The following ARID1B variants were observed in gnomAD, a reference collection of about 807,000 sequenced individuals.
ARID1B encodes the protein AT-rich interactive domain-containing protein 1B.
ARID1B carries 30 observed loss-of-function variants against 212.3 expected under a neutral mutation model. That is an observed-to-expected ratio of 0.14 (90% CI 0.11 to 0.19). ARID1B has a LOEUF of 0.19. Ranked by LOEUF, ARID1B falls within the 10% of genes least tolerant of loss-of-function variation. The pLI, the probability that ARID1B is intolerant of heterozygous loss-of-function variation, is 1.00. For missense variants in ARID1B, 2,891 were observed against 3,204.0 expected, an observed-to-expected ratio of 0.90 and a Z score of 2.36; for synonymous variants, 1,402 against 1,301.7, an observed-to-expected ratio of 1.08 and a Z score of -1.66.
rs116346628 is a variant in ARID1B at position 156,862,808 on chromosome 6, C to T, written c.1986+33387C>T. 3.2e-3 allele frequency among the ~76,000 whole-genome samples: 490 copies of T among 152,210 alleles called. 2 individuals carry two copies. The highest frequency in any genetic ancestry group is 0.011 in the African/African-American group (465 of 41,508). ...CCGCTTGGGGGCTGGGCCCTGGCAG[C>T]GGAAAGTCATGTCTAGATCACTCTT... On this transcript the variant is annotated intron_variant, in intron 2 of 19. Coordinates refer to ENST00000636930, the MANE Select transcript of ARID1B (RefSeq NM_001374828.1).
At chr6:157,086,814 G>A (rs1784995934) in intron 5 of ARID1B, among the ~76,000 whole-genome samples, 1 of 152,210 alleles carries the variant, frequency 6.6e-6, no homozygotes, top group African/African-American at 2.4e-5. Flanking sequence ...TGGCCTCAGA[G>A]TCTGTGGTTC....
rs2128370450 is a variant in ARID1B at position 157,200,171 on chromosome 6, C to A, written c.4480-534C>A. 6.6e-6 allele frequency among the ~76,000 whole-genome samples: 1 copy of A among 152,270 alleles called. No individual in the cohort carries two copies. Among genetic ancestry groups the A allele is most frequent in the East Asian group, 1.9e-4 (1 of 5,190 alleles). On this transcript the variant is annotated intron_variant, in intron 17 of 19. Coordinates refer to ENST00000636930, the MANE Select transcript of ARID1B (RefSeq NM_001374828.1). The surrounding 1 kb of genome is among the most constrained non-coding windows in gnomAD (Gnocchi z 4.3). The stretch of plus-strand genomic sequence containing the variant: ...CCAGTGGGGCTTTGGGGGAGCCACA[C>A]CTGACCAGGCCAGAAGTCAGGGCAG...
chr6:156,861,113 C>G (rs1390508864), intron 2 of ARID1B, among the ~76,000 whole-genome samples: 1 of 152,030 alleles, frequency 6.6e-6, no homozygotes, highest in East Asian at 1.9e-4. Flanking sequence ...GACAGAGGAG[C>G]CTTTGCAGGA....
intron 4 of ARID1B, among the ~76,000 whole-genome samples, chr6:156,986,131 C>T (rs753797597): frequency 1.3e-4 from 20 of 152,126 alleles, no homozygotes; most frequent in Non-Finnish European, 2.8e-4. Context: ...TCTAGCTCTT[C>T]CTTTTGGAGT....
At chr6:156,928,714 A>G (rs901624954) in intron 3 of ARID1B, among the ~76,000 whole-genome samples, 1 of 152,132 alleles carries the variant, frequency 6.6e-6, no homozygotes, top group Non-Finnish European at 1.5e-5. Context: ...GGGCCCCTTC[A>G]CCTGGCTTGC....
At chr6:157,049,848 G>A (rs1782474373) in intron 4 of ARID1B, among the ~76,000 whole-genome samples, 1 of 152,030 alleles carries the variant, frequency 6.6e-6, no homozygotes, top group Non-Finnish European at 1.5e-5. Context: ...TTCTCACATT[G>A]TATTCCTATT....
At chr6:156,966,456 C>T (rs1486180414) in intron 4 of ARID1B, among the ~76,000 whole-genome samples, 4 of 139,072 alleles carry the variant, frequency 2.9e-5, no homozygotes, top group South Asian at 2.2e-4. Context: ...TGCAGTGGTG[C>T]GATCTTGGCT....
intron 4 of ARID1B, among the ~76,000 whole-genome samples, chr6:157,020,745 T>G (rs966395407): frequency 9.2e-5 from 14 of 152,264 alleles, no homozygotes; most frequent in Non-Finnish European, 2.1e-4. Context: ...ACCAAAGATT[T>G]GTTACCTCTC....
At chr6:156,829,693 G>C (rs1001620378) in intron 2 of ARID1B, 7 of 337,014 alleles carry the variant, frequency 2.1e-5, no homozygotes, top group Admixed American at 8.9e-5. Context: ...ATTTGCAGCA[G>C]GTTATAACAG....
intron 8 of ARID1B, among the ~76,000 whole-genome samples, chr6:157,157,611 CAG>C (rs1243935273): frequency 6.6e-6 from 1 of 152,162 alleles, no homozygotes; most frequent in Non-Finnish European, 1.5e-5. Flanking sequence ...TCGTGGGTCA[CAG>C]GGCATCTTAG....
intron 4 of ARID1B, among the ~76,000 whole-genome samples, chr6:157,039,201 A>G (rs1781530918): frequency 6.6e-6 from 1 of 152,118 alleles, no homozygotes; most frequent in African/African-American, 2.4e-5. Flanking sequence ...AATAAGTTGA[A>G]ACAACAGTGA....
chr6:157,095,211 G>A (rs1029147721), intron 5 of ARID1B, among the ~76,000 whole-genome samples: 1 of 152,168 alleles, frequency 6.6e-6, no homozygotes, highest in African/African-American at 2.4e-5. Context: ...CTGCTGGTCT[G>A]GGAAGTACTG....
intron 6 of ARID1B, among the ~76,000 whole-genome samples, chr6:157,119,881 C>T (rs1029071985): frequency 6.6e-6 from 1 of 152,222 alleles, no homozygotes; most frequent in African/African-American, 2.4e-5. Flanking sequence ...TTTTAATCTG[C>T]AGGGACTTTG....
intron 2 of ARID1B, 131 bp from the exon 3 acceptor site, chr6:156,901,245 A>T (rs907523322): frequency 1.8e-5 from 18 of 1,025,152 alleles, no homozygotes; most frequent in Non-Finnish European, 1.3e-5. Context: ...TTTAAGGAAG[A>T]GAGGATTAGA....
At chr6:157,044,701 G>C (rs1457986657) in intron 4 of ARID1B, among the ~76,000 whole-genome samples, 2 of 152,142 alleles carry the variant, frequency 1.3e-5, no homozygotes, top group African/African-American at 4.8e-5. Flanking sequence ...TGCTCATTTT[G>C]GTTCTGTAGA....
chr6:157,140,632 G>T, intron 7 of ARID1B: 1 of 398,554 alleles, frequency 2.5e-6, no homozygotes, highest in South Asian at 1.3e-4. Flanking sequence ...CTGAGCTTTG[G>T]AGTAACACGT....
intron 4 of ARID1B, among the ~76,000 whole-genome samples, chr6:156,954,931 C>A (rs913492778): frequency 6.6e-6 from 1 of 152,234 alleles, no homozygotes; most frequent in African/African-American, 2.4e-5. Flanking sequence ...AGGGCAGGCT[C>A]CAAAGGCATG....
chr6:157,129,320 C>T (rs1375508561), intron 6 of ARID1B, among the ~76,000 whole-genome samples: 1 of 152,208 alleles, frequency 6.6e-6, no homozygotes, highest in African/African-American at 2.4e-5. Context: ...AGATTCAGAG[C>T]TCATGACGCA....
At chr6:157,164,016 A>G (rs967347408) in intron 8 of ARID1B, among the ~76,000 whole-genome samples, 1 of 152,208 alleles carries the variant, frequency 6.6e-6, no homozygotes, top group African/African-American at 2.4e-5. Context: ...AATTCCACCT[A>G]CCTTCCTCCA....
Sources: gnomAD v4.1 joint callset for allele counts (sites outside exome capture counted in the v4.1 genomes callset) on GRCh38, gnomAD v4.1.1 for gene constraint, Gnocchi (gnomAD v3.1) non-coding constraint, MANE v1.5 for transcripts, NCBI Gene and HGNC (gene_info 2026-07-23, HGNC 2026-07-21) for gene names.